The following GALNT17 variants were observed in gnomAD, a reference collection of about 807,000 sequenced individuals.
GALNT17 encodes polypeptide N-acetylgalactosaminyltransferase 17.
GALNT17 carries 29 observed loss-of-function variants against 63.7 expected under a neutral mutation model. The ratio of observed to expected loss-of-function variants is 0.46; its 90% confidence interval spans 0.34 to 0.62. The LOEUF (loss-of-function observed/expected upper bound fraction) is 0.62. GALNT17 is among the 20% of genes least tolerant of loss of function. GALNT17 has a pLI of 0.01. For synonymous variants in GALNT17, 305 were observed against 318.3 expected, an observed-to-expected ratio of 0.96 and a Z score of 0.45; for missense variants, 603 against 799.6, an observed-to-expected ratio of 0.75 and a Z score of 2.97.
intron 5 of GALNT17, among the ~76,000 whole-genome samples, chr7:71,542,923 C>G (rs1244631931): frequency 6.6e-6 from 1 of 151,754 alleles, no homozygotes; most frequent in Non-Finnish European, 1.5e-5. Flanking sequence ...GTTGGGGGTC[C>G]CGATAACTTT....
At chr7:71,208,592 A>G (rs1049129638) in intron 1 of GALNT17, among the ~76,000 whole-genome samples, 13 of 151,550 alleles carry the variant, frequency 8.6e-5, no homozygotes, top group African/African-American at 3.2e-4. Context: ...CTGGGACTAC[A>G]GGTGTGTGCC....
intron 5 of GALNT17, among the ~76,000 whole-genome samples, chr7:71,543,798 TTC>T (rs1554306454): frequency 4.4e-5 from 2 of 45,400 alleles, no homozygotes; most frequent in Non-Finnish European, 1.1e-4. Context: ...TTTCTTTTCT[TTC>T]TTTTTTTTTT....
intron 5 of GALNT17, among the ~76,000 whole-genome samples, chr7:71,514,623 A>T (rs1474967061): frequency 1.3e-5 from 2 of 152,186 alleles, no homozygotes; most frequent in Non-Finnish European, 2.9e-5. Context: ...CTAGCCTGTC[A>T]CTGGAAATCT....
intron 1 of GALNT17, among the ~76,000 whole-genome samples, chr7:71,196,532 T>C (rs1462722444): frequency 6.6e-6 from 1 of 152,210 alleles, no homozygotes; most frequent in Non-Finnish European, 1.5e-5. Flanking sequence ...TACTGAATTA[T>C]TGACCTGGGG....
At chr7:71,550,810 C>A (rs920131986) in intron 5 of GALNT17, among the ~76,000 whole-genome samples, 1 of 151,974 alleles carries the variant, frequency 6.6e-6, no homozygotes, top group African/African-American at 2.4e-5. Context: ...TCATTATGAT[C>A]GATAATATTT....
intron 1 of GALNT17, among the ~76,000 whole-genome samples, chr7:71,232,429 G>C (rs1789807918): frequency 6.6e-6 from 1 of 152,018 alleles, no homozygotes; most frequent in African/African-American, 2.4e-5. Context: ...TTGTATTTTA[G>C]CCAAAGCAGT....
At chr7:71,485,158 T>A (rs1244818893) in intron 5 of GALNT17, among the ~76,000 whole-genome samples, 2 of 150,322 alleles carry the variant, frequency 1.3e-5, no homozygotes, top group African/African-American at 2.5e-5. Context: ...CAGGCTGGAG[T>A]GCAGTGGCAC....
rs189023681 is a variant in GALNT17, at chr7:71,203,331, A to G, written c.238+70291A>G. On this transcript the variant is annotated intron_variant, in intron 1 of 10. Coordinates refer to ENST00000333538, the MANE Select transcript of GALNT17 (RefSeq NM_022479.3). ...ATCTTTCGTCTTTTTGAAAACAGCCATTCTAATGGATGTGAGGTAAAATCT... is the reference window on the plus strand; with the variant it reads ...ATCTTTCGTCTTTTTGAAAACAGCCGTTCTAATGGATGTGAGGTAAAATCT... Among the ~76,000 whole-genome samples, 505 of 152,292 alleles carry G rather than the reference A, an allele frequency of 3.3e-3. 4 individuals are homozygous for G. The highest frequency in any genetic ancestry group is 4.3e-3 in the Non-Finnish European group (290 of 68,026).
chr7:71,662,607 CATATAA>C (rs1467173379), intron 6 of GALNT17, among the ~76,000 whole-genome samples: 1 of 152,150 alleles, frequency 6.6e-6, no homozygotes, highest in Non-Finnish European at 1.5e-5. Flanking sequence ...CCAGACATTT[CATATAA>C]ATGGAATCAT....
chr7:71,541,786 T>G (rs1788897369), intron 5 of GALNT17, among the ~76,000 whole-genome samples: 1 of 152,140 alleles, frequency 6.6e-6, no homozygotes. Flanking sequence ...TGCAATCAAG[T>G]TGCACGTCTA....
chr7:71,693,059 T>C (rs1003583481), intron 9 of GALNT17, among the ~76,000 whole-genome samples: 11 of 151,862 alleles, frequency 7.2e-5, no homozygotes, highest in Non-Finnish European at 1.0e-4. Flanking sequence ...TATACTTAGA[T>C]AGATAACTAT....
chr7:71,573,391 C>G (rs145170235), intron 6 of GALNT17, among the ~76,000 whole-genome samples: 1 of 151,868 alleles, frequency 6.6e-6, no homozygotes, highest in East Asian at 1.9e-4. Context: ...AGTGCAGTGG[C>G]GCGATCTCGG....
chr7:71,554,800 C>A (rs1436567160), intron 5 of GALNT17, among the ~76,000 whole-genome samples: 2 of 152,246 alleles, frequency 1.3e-5, no homozygotes, highest in Non-Finnish European at 2.9e-5. Context: ...CAGGAGAGAC[C>A]TTCTCTTATG....
chr7:71,256,899 GAGAGGTATA>G, intron 1 of GALNT17, among the ~76,000 whole-genome samples: 1 of 152,156 alleles, frequency 6.6e-6, no homozygotes, highest in East Asian at 1.9e-4. Flanking sequence ...ATTCTGTGCT[GAGAGGTATA>G]GATTTCCAAT....
chr7:71,657,389 A>G (rs975232546), intron 6 of GALNT17, among the ~76,000 whole-genome samples: 8 of 152,202 alleles, frequency 5.3e-5, no homozygotes, highest in Non-Finnish European at 1.2e-4. Flanking sequence ...TTAAACATCA[A>G]AAATGTTTGG....
At chr7:71,669,854 C>A (rs1462042488) in intron 7 of GALNT17, 118 bp from the exon 8 acceptor site, 3 of 1,350,372 alleles carry the variant, frequency 2.2e-6, no homozygotes, top group Non-Finnish European at 3.0e-6. Flanking sequence ...AGCCACCGTG[C>A]CCAGCCCAGG....
intron 1 of GALNT17, among the ~76,000 whole-genome samples, chr7:71,138,341 G>T (rs1449511523): frequency 1.3e-5 from 2 of 151,806 alleles, no homozygotes; most frequent in African/African-American, 2.4e-5. Context: ...AAAATCATGT[G>T]GAAGAGAAAA....
intron 1 of GALNT17, among the ~76,000 whole-genome samples, chr7:71,145,985 C>T (rs1341074761): frequency 2.0e-5 from 3 of 152,176 alleles, no homozygotes; most frequent in Middle Eastern, 3.4e-3. Context: ...GGATTACAGG[C>T]GCGAGCCACC....
intron 5 of GALNT17, among the ~76,000 whole-genome samples, chr7:71,425,108 G>C (rs1859527): frequency 0.57 from 86,412 of 152,092 alleles, 26,364 homozygotes; most frequent in Non-Finnish European, 0.69. Context: ...TGCCATTAAA[G>C]AGGGCAAAGG....
Sources: gnomAD v4.1 joint callset for allele counts (sites outside exome capture counted in the v4.1 genomes callset) on GRCh38, gnomAD v4.1.1 for gene constraint, MANE v1.5 for transcripts, NCBI Gene and HGNC (gene_info 2026-07-23, HGNC 2026-07-21) for gene names.